Variants in OSBPL6 observed in about 807,000 individuals in gnomAD.
The protein encoded by OSBPL6 is oxysterol-binding protein-related protein 6.
OSBPL6 carries 49 observed loss-of-function variants against 125.8 expected under a neutral mutation model. The observed-to-expected ratio is 0.39, with a 90% confidence interval of 0.31 to 0.49. OSBPL6 has a LOEUF of 0.49. Ranked by LOEUF, OSBPL6 falls within the 20% of genes least tolerant of loss-of-function variation. The pLI, the probability that OSBPL6 is intolerant of heterozygous loss-of-function variation, is 0.88. For missense variants in OSBPL6, 986 were observed against 1,135.4 expected (o/e 0.87, Z 1.89); for synonymous variants, 394 against 391.8 (o/e 1.01, Z -0.07).
chr2:178,278,653 G>A (rs1029441060), intron 1 of OSBPL6, among the ~76,000 whole-genome samples: 1 of 152,118 alleles, frequency 6.6e-6, no homozygotes, highest in African/African-American at 2.4e-5. Context: ...TTCATCTTCA[G>A]GAAGTTACCC....
chr2:178,336,473 C>G, intron 9 of OSBPL6, 40 bp downstream of exon 9: 1 of 1,601,696 alleles, frequency 6.2e-7, no homozygotes, highest in Non-Finnish European at 8.5e-7. Context: ...TAAGCCAAAA[C>G]CAAACAAGAA....
chr2:178,254,115 C>T (rs1318748833), intron 1 of OSBPL6, among the ~76,000 whole-genome samples: 4 of 152,118 alleles, frequency 2.6e-5, no homozygotes, highest in African/African-American at 4.8e-5. Context: ...TTCCTTTGGC[C>T]GGGTATGGTG....
intron 2 of OSBPL6, among the ~76,000 whole-genome samples, chr2:178,292,721 C>A (rs1029454555): frequency 2.0e-5 from 3 of 151,998 alleles, no homozygotes; most frequent in African/African-American, 7.2e-5. Context: ...GGGGTTATAA[C>A]AAGGAGAGCA....
intron 1 of OSBPL6, among the ~76,000 whole-genome samples, chr2:178,272,701 C>T (rs1024742879): frequency 1.3e-5 from 2 of 152,192 alleles, no homozygotes; most frequent in African/African-American, 4.8e-5. Flanking sequence ...CTTTCTTCAG[C>T]AAAACTTGTC....
At chr2:178,326,635 G>C (rs1291041638) in intron 4 of OSBPL6, among the ~76,000 whole-genome samples, 1 of 152,128 alleles carries the variant, frequency 6.6e-6, no homozygotes, top group Non-Finnish European at 1.5e-5. Context: ...ACTGAGATGA[G>C]TTGTTTCATT....
chr2:178,330,505 CTT>C (rs1484965045), intron 5 of OSBPL6, among the ~76,000 whole-genome samples: 1 of 152,196 alleles, frequency 6.6e-6, no homozygotes, highest in South Asian at 2.1e-4. Context: ...CGTAGAGACT[CTT>C]TTTTTCCAGT....
chr2:178,272,471 T>C (rs1303390071), intron 1 of OSBPL6, among the ~76,000 whole-genome samples: 1 of 152,170 alleles, frequency 6.6e-6, no homozygotes, highest in African/African-American at 2.4e-5. Context: ...TATTTTAAGT[T>C]TGCAGCAGGG....
intron 12 of OSBPL6, among the ~76,000 whole-genome samples, chr2:178,354,717 C>T (rs1282785112): frequency 6.6e-6 from 1 of 152,188 alleles, no homozygotes; most frequent in Non-Finnish European, 1.5e-5. Flanking sequence ...GACTTGAACT[C>T]AGCTCTGCAC....
chr2:178,286,046 G>T (rs1684669519), intron 2 of OSBPL6, among the ~76,000 whole-genome samples: 1 of 152,280 alleles, frequency 6.6e-6, no homozygotes, highest in Admixed American at 6.5e-5. Context: ...GTTTATTACT[G>T]TATTGTTTAA....
At chr2:178,343,671 G>A (rs1367441707) in intron 11 of OSBPL6, among the ~76,000 whole-genome samples, 3 of 152,054 alleles carry the variant, frequency 2.0e-5, no homozygotes, top group Non-Finnish European at 4.4e-5. Flanking sequence ...ATGGGGTCTG[G>A]CATCTTCCTT....
At chr2:178,199,645 T>A (rs2153932875) in intron 1 of OSBPL6, among the ~76,000 whole-genome samples, 2 of 151,840 alleles carry the variant, frequency 1.3e-5, no homozygotes, top group Middle Eastern at 6.8e-3. Flanking sequence ...GGGCTTTTCA[T>A]AGAACTAGAA....
intron 11 of OSBPL6, among the ~76,000 whole-genome samples, chr2:178,342,226 G>A (rs16866273): frequency 0.026 from 3,888 of 152,140 alleles, 238 homozygotes; most frequent in East Asian, 0.22. Flanking sequence ...ACTCTTCTTC[G>A]TAACTAAGTA....
In OSBPL6 at chr2:178,370,538, G is replaced by C. The variant is rs540105970; in HGVS notation, c.1288-1588G>C. Reference sequence around the variant, plus strand: ...GGTTTTTTTCTAATTCTAAGTGTTTGAGATTTTGCTCCAAGAAAAATGATC... The same window carrying C: ...GGTTTTTTTCTAATTCTAAGTGTTTCAGATTTTGCTCCAAGAAAAATGATC... On this transcript the variant is annotated intron_variant, in intron 13 of 24. Transcript: ENST00000190611. Among the ~76,000 whole-genome samples, 10 of 152,280 alleles carry C rather than the reference G, an allele frequency of 6.6e-5. No homozygotes were observed. The East Asian group carries it at 1.9e-3, about 29-fold the overall frequency.
rs1575031905 is a variant in OSBPL6, at chr2:178,383,147, A to C, written c.1745A>C (p.Asp582Ala). ...WNILRNNIGK[D>A]LSKVSMPVEL... ...ATCTTGAGGAACAACATTGGTAAAG[A>C]CCTGTCTAAAGTCTCTATGCCTGTG... is the stretch of plus-strand genomic sequence containing the variant. The change falls in exon 17 of 25, where the codon GAC becomes GCC. Residue 582 changes from aspartate (D) to alanine (A), a missense_variant. Coordinates refer to ENST00000190611, the MANE Select transcript of OSBPL6 (RefSeq NM_032523.4). 1 of 1,614,136 alleles carries C rather than the reference A, an allele frequency of 6.2e-7. No homozygotes were observed. Among genetic ancestry groups the C allele is most frequent in the Non-Finnish European group, 8.5e-7 (1 of 1,180,024 alleles).
chr2:178,208,911 C>CT (rs2089694853), intron 1 of OSBPL6, among the ~76,000 whole-genome samples: 1 of 133,340 alleles, frequency 7.5e-6, no homozygotes, highest in Non-Finnish European at 1.6e-5. Context: ...TATTCTCATT[C>CT]TTGATTTATA....
At chr2:178,245,429 T>A (rs1360182609) in intron 1 of OSBPL6, among the ~76,000 whole-genome samples, 1 of 152,214 alleles carries the variant, frequency 6.6e-6, no homozygotes, top group Non-Finnish European at 1.5e-5. Flanking sequence ...TCAAGTATGA[T>A]GTTTTCACTG....
intron 12 of OSBPL6, among the ~76,000 whole-genome samples, chr2:178,350,376 G>A (rs570394162): frequency 6.6e-6 from 1 of 152,218 alleles, no homozygotes; most frequent in Non-Finnish European, 1.5e-5. Flanking sequence ...CTTCTAGAGA[G>A]AGATAAACAT....
intron 2 of OSBPL6, among the ~76,000 whole-genome samples, chr2:178,293,900 A>G (rs1237393629): frequency 1.3e-5 from 2 of 152,194 alleles, no homozygotes; most frequent in African/African-American, 4.8e-5. Flanking sequence ...ACATCTGTAT[A>G]TAAAACAGTG....
chr2:178,285,957 C>T (rs1015390691), intron 2 of OSBPL6, among the ~76,000 whole-genome samples: 3 of 152,192 alleles, frequency 2.0e-5, no homozygotes, highest in Admixed American at 6.6e-5. Context: ...CCTTTCCTAG[C>T]GTGGACTGGT....
Sources: allele counts gnomAD v4.1 joint callset (sites outside exome capture counted in the v4.1 genomes callset), GRCh38; gene constraint gnomAD v4.1.1; transcripts MANE v1.5; gene names NCBI Gene and HGNC (gene_info 2026-07-23, HGNC 2026-07-21).